GALNT13: variants seen among roughly 807,000 people sequenced by gnomAD.
GALNT13 encodes UDP-GalNAc:polypeptide N-acetylgalactosaminyltransferase 13.
GALNT13 carries 28 observed loss-of-function variants against 64.2 expected under a neutral mutation model. The ratio of observed to expected loss-of-function variants is 0.44; its 90% CI spans 0.32 to 0.60. The LOEUF (loss-of-function observed/expected upper bound fraction) is 0.60. Ranked by LOEUF, GALNT13 falls within the 20% of genes least tolerant of loss-of-function variation. GALNT13 has a pLI of 0.05. For missense variants in GALNT13, 577 were observed against 669.8 expected (o/e 0.86, Z 1.53); for synonymous variants, 214 against 224.6 (o/e 0.95, Z 0.42).
At chr2:153,765,137 G>C in the GALNT13 span, among the ~76,000 whole-genome samples, 3 of 152,212 alleles carry the variant, frequency 2.0e-5, no homozygotes, top group Non-Finnish European at 4.4e-5. Context: ...GTCCCCATTG[G>C]TGCACTGCCT....
the GALNT13 span, among the ~76,000 whole-genome samples, chr2:153,452,756 A>G: frequency 6.6e-6 from 1 of 152,100 alleles, no homozygotes; most frequent in Non-Finnish European, 1.5e-5. Flanking sequence ...TGTTTTTCAT[A>G]GAACCAGAGA....
chr2:153,551,170 G>C, the GALNT13 span, among the ~76,000 whole-genome samples: 1 of 152,260 alleles, frequency 6.6e-6, no homozygotes, highest in South Asian at 2.1e-4. Flanking sequence ...TTTAGTCATT[G>C]GATGTAGGTT....
chr2:153,998,050 G>A (rs1471125386), intron 3 of GALNT13, among the ~76,000 whole-genome samples: 1 of 152,034 alleles, frequency 6.6e-6, no homozygotes, highest in Admixed American at 6.6e-5. Context: ...TCATTGATGG[G>A]CATTTGGGTT....
At chr2:153,854,197 C>A in the GALNT13 span, among the ~76,000 whole-genome samples, 1 of 151,648 alleles carries the variant, frequency 6.6e-6, no homozygotes, top group East Asian at 1.9e-4. Flanking sequence ...TACAATGTTG[C>A]CAGATACAAA....
chr2:153,396,934 G>A, the GALNT13 span, among the ~76,000 whole-genome samples: 12 of 152,266 alleles, frequency 7.9e-5, no homozygotes, highest in South Asian at 2.5e-3. Context: ...TGCAAAGAAA[G>A]TTTGTTTCCA....
At chr2:153,532,807 T>TG in the GALNT13 span, among the ~76,000 whole-genome samples, 5 of 152,132 alleles carry the variant, frequency 3.3e-5, no homozygotes, top group African/African-American at 1.2e-4. Context: ...ATCCCTAGAG[T>TG]GGGGGCACAG....
the GALNT13 span, among the ~76,000 whole-genome samples, chr2:153,665,218 G>A: frequency 6.6e-6 from 1 of 152,140 alleles, no homozygotes; most frequent in Admixed American, 6.6e-5. Context: ...TTCCTCTTAT[G>A]TCCTGTGGTA....
the GALNT13 span, among the ~76,000 whole-genome samples, chr2:153,071,946 A>G: frequency 3.9e-5 from 6 of 152,222 alleles, no homozygotes; most frequent in Non-Finnish European, 7.3e-5. Flanking sequence ...GACAGAAGCT[A>G]GTAGGTTCAA....
intron 10 of GALNT13, among the ~76,000 whole-genome samples, chr2:154,398,387 A>G (rs1215474910): frequency 6.6e-6 from 1 of 152,226 alleles, no homozygotes; most frequent in Non-Finnish European, 1.5e-5. Flanking sequence ...TTCCAAGTTA[A>G]AAATCCAATT....
the GALNT13 span, among the ~76,000 whole-genome samples, chr2:153,836,136 T>C: frequency 7.2e-5 from 11 of 152,194 alleles, no homozygotes; most frequent in Non-Finnish European, 1.5e-4. Context: ...AGCTATGTCT[T>C]TGACATCTGA....
the GALNT13 span, among the ~76,000 whole-genome samples, chr2:153,685,866 A>T: frequency 6.6e-6 from 1 of 151,750 alleles, no homozygotes; most frequent in African/African-American, 2.4e-5. Flanking sequence ...AATTTTCTGC[A>T]TATAGCTAGT....
intron 4 of GALNT13, among the ~76,000 whole-genome samples, chr2:154,202,693 T>TA (rs914631994): frequency 5.9e-5 from 9 of 152,238 alleles, no homozygotes; most frequent in Middle Eastern, 6.8e-3. Flanking sequence ...GACACTCTGT[T>TA]AAAAAATATT....
At chr2:153,867,388 G>A (rs188158950), upstream of GALNT13, among the ~76,000 whole-genome samples, 1 of 122,240 alleles carries the variant, frequency 8.2e-6, no homozygotes, top group Admixed American at 1.0e-4. Context: ...ACTATTTGTG[G>A]TGCATGAGTT....
At chr2:153,832,804 C>G in the GALNT13 span, among the ~76,000 whole-genome samples, 67 of 152,220 alleles carry the variant, frequency 4.4e-4, 2 homozygotes, top group East Asian at 0.012. Context: ...ATTTTAGGCT[C>G]TAAAGCCAGA....
chr2:153,581,537 A>G, the GALNT13 span, among the ~76,000 whole-genome samples: 1 of 151,952 alleles, frequency 6.6e-6, no homozygotes, highest in African/African-American at 2.4e-5. Flanking sequence ...ATTATCTTCT[A>G]TGTGTGTGTA....
chr2:153,268,532 G>T, the GALNT13 span, among the ~76,000 whole-genome samples: 1 of 152,200 alleles, frequency 6.6e-6, no homozygotes, highest in South Asian at 2.1e-4. Flanking sequence ...AGCTGTCAGT[G>T]GATCTACTAT....
chr2:153,156,631 T>C, the GALNT13 span, among the ~76,000 whole-genome samples: 1 of 152,194 alleles, frequency 6.6e-6, no homozygotes, highest in Admixed American at 6.5e-5. Context: ...TACTGATAAC[T>C]CAATGTTAAA....
At position 154,372,206 on chromosome 2, in the gene GALNT13, C is replaced by T. The variant is rs538181966; in HGVS notation, c.1157-23785C>T. 7.2e-5 allele frequency among the ~76,000 whole-genome samples: 11 copies of T among 152,168 alleles called. No homozygotes were observed. The East Asian group carries it at 2.1e-3, about 29-fold the overall frequency. On this transcript the variant is annotated intron_variant, in intron 9 of 12. Transcript: ENST00000392825. ...AAGAAAAGAAGTGGTTTAATTCAAC[C>T]TCCAGAATCCACCAAATTGAGTGAG... is the stretch of plus-strand genomic sequence containing the variant.
the GALNT13 span, among the ~76,000 whole-genome samples, chr2:153,820,283 A>G: frequency 4.6e-5 from 7 of 152,218 alleles, no homozygotes; most frequent in African/African-American, 1.7e-4. Flanking sequence ...GGGAGAGGAG[A>G]AAAAGTAAAC....
Sources: gnomAD v4.1 joint callset for allele counts (sites outside exome capture counted in the v4.1 genomes callset) on GRCh38, gnomAD v4.1.1 for gene constraint, MANE v1.5 for transcripts, NCBI Gene and HGNC (gene_info 2026-07-23, HGNC 2026-07-21) for gene names.